Variants in THADA observed in about 807,000 individuals in gnomAD.
THADA encodes the protein tRNA (32-2'-O)-methyltransferase regulator THADA.
A neutral mutation model predicts 219.8 loss-of-function variants in THADA; 213 were observed. The ratio of observed to expected loss-of-function variants is 0.97; its 90% CI spans 0.87 to 1.09. The LOEUF (loss-of-function observed/expected upper bound fraction) is 1.09, where lower values mean the gene tolerates loss of function less well. THADA is among the 50% of genes least tolerant of loss of function. The pLI is 0.00. For missense variants in THADA, 2,956 were observed against 2,311.3 expected (o/e 1.28, Z -5.72); for synonymous variants, 1,018 against 828.9 (o/e 1.23, Z -3.92).
In THADA at chr2:43,580,307, G is replaced by A. The variant is rs111718899; in HGVS notation, c.721+1434C>T. Among the ~76,000 whole-genome samples, 1,254 of 151,864 alleles carry A rather than the reference G, an allele frequency of 8.3e-3. 13 individuals carry two copies. The highest frequency in any genetic ancestry group is 0.025 in the African/African-American group (1,050 of 41,428). ...GCCCGCCTTGGCCTCCCAAAGTGCT[G>A]GGATTACAGGCATGAGCCACCACAC... is the stretch of plus-strand genomic sequence containing the variant. On this transcript the variant is annotated intron_variant, in intron 8 of 37. Transcript: ENST00000405975.
intron 31 of THADA, among the ~76,000 whole-genome samples, chr2:43,308,856 C>G (rs1040514068): frequency 2.3e-4 from 33 of 145,952 alleles, no homozygotes; most frequent in South Asian, 4.4e-4. Flanking sequence ...ATGTTAAATG[C>G]AAAACTACAA....
At chr2:43,493,095 G>A (rs1472955590) in intron 25 of THADA, among the ~76,000 whole-genome samples, 1 of 152,152 alleles carries the variant, frequency 6.6e-6, no homozygotes, top group Non-Finnish European at 1.5e-5. Flanking sequence ...CCATGGCATG[G>A]CAGCACTACT....
At chr2:43,355,793 G>A (rs1558631416) in intron 29 of THADA, among the ~76,000 whole-genome samples, 1 of 152,184 alleles carries the variant, frequency 6.6e-6, no homozygotes, top group Non-Finnish European at 1.5e-5. Flanking sequence ...TGCAATAAAG[G>A]AGAAGGGGAA....
At chr2:43,269,194 G>A (rs1179888700) in intron 36 of THADA, among the ~76,000 whole-genome samples, 3 of 152,186 alleles carry the variant, frequency 2.0e-5, no homozygotes, top group Non-Finnish European at 2.9e-5. Flanking sequence ...CCCTGCAGCC[G>A]CGTCAGCACC....
intron 34 of THADA, 134 bp downstream of exon 34, chr2:43,291,562 A>G (rs910516676): frequency 1.5e-5 from 7 of 471,956 alleles, no homozygotes; most frequent in African/African-American, 1.4e-4. Flanking sequence ...CAGCACGAAC[A>G]ATATTTCTGT....
rs575137896 is a variant in THADA, at chr2:43,357,925, T to C, written c.4228-13688A>G. 2.0e-5 allele frequency among the ~76,000 whole-genome samples: 3 copies of C among 152,318 alleles called. No individual in the cohort carries two copies. The South Asian group carries it at 6.2e-4, about 32-fold the overall frequency. On this transcript the variant is annotated intron_variant, in intron 29 of 37. Coordinates refer to ENST00000405975, the MANE Select transcript of THADA (RefSeq NM_022065.5). ...CAATTTTTTTCAAGTTTTGAAATTGTAGACTCATAGCAAATTGCAAAAACA... is the reference window on the plus strand; with the variant it reads ...CAATTTTTTTCAAGTTTTGAAATTGCAGACTCATAGCAAATTGCAAAAACA...
At chr2:43,334,739 C>T (rs1307740884) in intron 30 of THADA, among the ~76,000 whole-genome samples, 1 of 151,538 alleles carries the variant, frequency 6.6e-6, no homozygotes, top group Non-Finnish European at 1.5e-5. Context: ...CGCGCCACTG[C>T]ACTCCAGCCT....
intron 25 of THADA, among the ~76,000 whole-genome samples, chr2:43,485,610 C>A (rs1048282001): frequency 6.6e-6 from 1 of 152,148 alleles, no homozygotes; most frequent in African/African-American, 2.4e-5. Context: ...CTTAGAGCAT[C>A]AAATAACACT....
At chr2:43,367,453 T>C (rs1182906251) in intron 29 of THADA, among the ~76,000 whole-genome samples, 1 of 152,242 alleles carries the variant, frequency 6.6e-6, no homozygotes, top group African/African-American at 2.4e-5. Context: ...GACTACAGGA[T>C]TCTTCATCTA....
chr2:43,338,243 A>T (rs1666698227), intron 30 of THADA, among the ~76,000 whole-genome samples: 1 of 144,576 alleles, frequency 6.9e-6, no homozygotes. Flanking sequence ...TGCAACTTCC[A>T]TCTCCCAGGT....
At chr2:43,479,433 CA>C (rs1435177191) in intron 26 of THADA, among the ~76,000 whole-genome samples, 1 of 151,888 alleles carries the variant, frequency 6.6e-6, no homozygotes, top group Non-Finnish European at 1.5e-5. Context: ...AAGATAAAAA[CA>C]AATAATAATA....
At chr2:43,451,826 G>A (rs1042009996) in intron 26 of THADA, among the ~76,000 whole-genome samples, 2 of 152,176 alleles carry the variant, frequency 1.3e-5, no homozygotes, top group Non-Finnish European at 2.9e-5. Context: ...GAAATCACAG[G>A]CTGGGCTCAG....
intron 26 of THADA, among the ~76,000 whole-genome samples, chr2:43,484,893 T>C (rs1374673517): frequency 1.4e-5 from 2 of 147,330 alleles, no homozygotes; most frequent in Non-Finnish European, 3.0e-5. Flanking sequence ...GGATAATATA[T>C]ACAAGTAAAG....
intron 29 of THADA, among the ~76,000 whole-genome samples, chr2:43,350,686 C>T (rs935470476): frequency 2.0e-5 from 3 of 152,260 alleles, no homozygotes; most frequent in Non-Finnish European, 4.4e-5. Flanking sequence ...TCAACCTGGT[C>T]ATTCCCCAGA....
Position 43,556,627 on chromosome 2 carries a change from T to A in THADA, c.2464-72A>T, listed in dbSNP as rs1297053500. The stretch of plus-strand genomic sequence containing the variant: ...TAATTTAAAAAAATAGTAAATTTTT[T>A]AAAACACAGCCTGGAGCTGAGTACA... On this transcript the variant is annotated intron_variant, in intron 16 of 37. Transcript: ENST00000405975. 6 of 1,422,748 alleles carry A rather than the reference T, an allele frequency of 4.2e-6. No homozygotes were observed. In the African/African-American group the frequency reaches 4.3e-5, roughly 10 times the overall value. 88.1% of individuals were successfully genotyped at this position (1,422,748 alleles called of 1,614,324 possible).
At chr2:43,557,152 C>A (rs1450026714) in intron 16 of THADA, among the ~76,000 whole-genome samples, 1 of 152,150 alleles carries the variant, frequency 6.6e-6, no homozygotes, top group Non-Finnish European at 1.5e-5. Context: ...TCAATATAAA[C>A]ATTAGTTTCC....
chr2:43,540,439 T>C (rs972330606), intron 21 of THADA, among the ~76,000 whole-genome samples: 1 of 152,262 alleles, frequency 6.6e-6, no homozygotes, highest in Non-Finnish European at 1.5e-5. Flanking sequence ...ATATTTGTTT[T>C]GTTCTTGAAT....
intron 26 of THADA, among the ~76,000 whole-genome samples, chr2:43,447,413 C>A (rs1681719709): frequency 6.6e-6 from 1 of 152,150 alleles, no homozygotes; most frequent in Non-Finnish European, 1.5e-5. Flanking sequence ...TTAGGGCCCA[C>A]CCAGCTAAGC....
intron 4 of THADA, among the ~76,000 whole-genome samples, chr2:43,590,404 G>A (rs549107321): frequency 2.0e-4 from 30 of 152,150 alleles, no homozygotes; most frequent in African/African-American, 6.3e-4. Context: ...TAGGCTGGGC[G>A]CAGTGGCTCA....
Sources: allele counts gnomAD v4.1 joint callset (sites outside exome capture counted in the v4.1 genomes callset), GRCh38; gene constraint gnomAD v4.1.1; transcripts MANE v1.5; gene names NCBI Gene and HGNC (gene_info 2026-07-23, HGNC 2026-07-21).